COL5A1: variants seen among roughly 807,000 people sequenced by gnomAD.
The protein encoded by COL5A1 is collagen alpha-1(V) chain.
Under a neutral mutation model 263.7 loss-of-function variants are expected in COL5A1, and 16 were observed. The observed-to-expected ratio is 0.06, with a 90% CI of 0.04 to 0.09. The LOEUF is 0.09. Ranked by LOEUF, COL5A1 falls within the 10% of genes least tolerant of loss-of-function variation. COL5A1 has a pLI of 1.00. For missense variants in COL5A1, 2,036 were observed against 2,540.5 expected (o/e 0.80, Z 4.27); for synonymous variants, 1,012 against 1,004.5 (o/e 1.01, Z -0.14).
intron 9 of COL5A1, among the ~76,000 whole-genome samples, chr9:134,738,141 C>G (rs556663625): frequency 9.9e-5 from 15 of 152,248 alleles, no homozygotes; most frequent in African/African-American, 2.6e-4. Context: ...GCCTGGCACT[C>G]CCCTTTGGGG....
intron 63 of COL5A1, among the ~76,000 whole-genome samples, chr9:134,827,861 C>T (rs73664156): frequency 0.017 from 2,630 of 152,340 alleles, 51 homozygotes; most frequent in African/African-American, 0.046. Context: ...GCCTTCACGC[C>T]GCCTGGGCTT....
At chr9:134,660,326 C>G (rs1047141038) in intron 1 of COL5A1, among the ~76,000 whole-genome samples, 2 of 152,226 alleles carry the variant, frequency 1.3e-5, no homozygotes, top group Non-Finnish European at 2.9e-5. Flanking sequence ...TCAAAGTCCT[C>G]TGAAGATTCG....
At chr9:134,710,312 T>A (rs897959929) in intron 4 of COL5A1, among the ~76,000 whole-genome samples, 1 of 152,230 alleles carries the variant, frequency 6.6e-6, no homozygotes, top group African/African-American at 2.4e-5. Flanking sequence ...TCATAGTGAT[T>A]GTGCAGTATT....
Position 134,765,704 on chromosome 9 carries a change from G to A in COL5A1, c.2058G>A (p.Pro686=), listed in dbSNP as rs143443499. 5.3e-4 allele frequency: 855 copies of A among 1,613,560 alleles called. 9 individuals carry two copies. In the African/African-American group the frequency reaches 9.1e-3, roughly 17 times the overall value. ...AGGGGCCACGTGGTCTGCTTGGGCC[G>A]AAGGGGCCCCCAGGTCCTCCCGGAC... ...GEPGPRGLLG[P]KGPPGPPGPP... Residue 686 remains proline (P), a synonymous_variant, in exon 21 of 66, where the codon CCG becomes CCA. Coordinates refer to ENST00000371817, the MANE Select transcript of COL5A1 (RefSeq NM_000093.5). The surrounding 1 kb of genome is among the most constrained non-coding windows in gnomAD (Gnocchi z 5.1).
At chr9:134,756,963 G>T (rs1273844672) in intron 17 of COL5A1, 145 bp downstream of exon 17, 8 of 817,842 alleles carry the variant, frequency 9.8e-6, no homozygotes, top group Non-Finnish European at 1.7e-5. Context: ...GTGAAGATAG[G>T]GTTGGTGGGT....
rs1301097019 is a variant in COL5A1 at position 134,757,261 on chromosome 9, G to T, written c.1881+443G>T. Among the ~76,000 whole-genome samples the T allele has an allele frequency of 6.6e-6, 1 of 152,172 alleles. No individual in the cohort carries two copies. Among genetic ancestry groups the T allele is most frequent in the Non-Finnish European group, 1.5e-5 (1 of 68,032 alleles). ...GCATGAATGAGGCTGCACCAGGCAT[G>T]CACCAGCTGTTGCTGTCGCCACTCA... On this transcript the variant is annotated intron_variant, in intron 17 of 65. Coordinates refer to ENST00000371817, the MANE Select transcript of COL5A1 (RefSeq NM_000093.5). The surrounding 1 kb of genome is among the most constrained non-coding windows in gnomAD (Gnocchi z 6.2).
At chr9:134,775,173 C>T (rs1001769324) in intron 27 of COL5A1, among the ~76,000 whole-genome samples, 6 of 152,216 alleles carry the variant, frequency 3.9e-5, no homozygotes, top group African/African-American at 1.2e-4. Context: ...ACGCCAGGGG[C>T]GCGCTGGCGG....
In COL5A1 at chr9:134,754,215, C is replaced by T. The variant is rs1254832633; in HGVS notation, c.1774-58C>T. On this transcript the variant is annotated intron_variant, in intron 15 of 65. Coordinates refer to ENST00000371817, the MANE Select transcript of COL5A1 (RefSeq NM_000093.5). The surrounding 1 kb of genome is among the most constrained non-coding windows in gnomAD (Gnocchi z 4.3). ...CGATGAGCACAGGGACAAGGCTTTGCTCTTTCTCCTGAGAAAGGCGGACTC... is the reference window on the plus strand; with the variant it reads ...CGATGAGCACAGGGACAAGGCTTTGTTCTTTCTCCTGAGAAAGGCGGACTC... 3.8e-6 allele frequency: 6 copies of T among 1,564,650 alleles called. No individual in the cohort carries two copies. The African/African-American group carries it at 6.8e-5, about 18-fold the overall frequency.
intron 4 of COL5A1, among the ~76,000 whole-genome samples, chr9:134,723,790 G>A (rs1194664219): frequency 1.3e-5 from 2 of 152,318 alleles, no homozygotes; most frequent in East Asian, 3.9e-4. Context: ...CTGACCCAGA[G>A]GCAGGTATGG....
chr9:134,822,253 C>T (rs1291757291), intron 59 of COL5A1, 103 bp downstream of exon 59: 13 of 1,040,082 alleles, frequency 1.2e-5, no homozygotes, highest in African/African-American at 1.6e-5. Flanking sequence ...AAAAGTCACA[C>T]GAGAAGCTGG....
At chr9:134,753,759 T>TCCCCCAGGCCCCCCCCCGCCCCC in intron 14 of COL5A1, 91 bp from the exon 15 acceptor site, 1 of 540,648 alleles carries the variant, frequency 1.8e-6, no homozygotes, top group Non-Finnish European at 3.7e-6. Context: ...CCCTGTCCCC[T>TCCCCCAGGCCCCCCCCCGCCCCC]CCCCCTGCCC....
chr9:134,712,026 T>C (rs961779115), intron 4 of COL5A1, among the ~76,000 whole-genome samples: 2 of 67,634 alleles, frequency 3.0e-5, no homozygotes, highest in South Asian at 6.4e-4. Flanking sequence ...CCTCCTTCCT[T>C]CCCCCCTTCT....
chr9:134,708,825 GA>G (rs753693463), intron 4 of COL5A1: 20 of 456,712 alleles, frequency 4.4e-5, no homozygotes, highest in African/African-American at 3.0e-4. Flanking sequence ...TTCCAAGATC[GA>G]GGTGTGGGCG....
chr9:134,802,546 C>T, intron 38 of COL5A1, among the ~76,000 whole-genome samples: 1 of 152,234 alleles, frequency 6.6e-6, no homozygotes, highest in Middle Eastern at 3.2e-3. Flanking sequence ...GGCTCTGCCC[C>T]TGGTGTGGCT....
intron 34 of COL5A1, among the ~76,000 whole-genome samples, chr9:134,795,613 G>A (rs1206006707): frequency 1.3e-5 from 2 of 152,174 alleles, no homozygotes; most frequent in South Asian, 2.1e-4. Context: ...CAGGCCCACC[G>A]CAGACTCACC....
chr9:134,752,492 G>A lies in COL5A1; in HGVS notation c.1663-97G>A, dbSNP rs1406014048. 4.0e-5 allele frequency: 36 copies of A among 899,994 alleles called. 1 individual carries two copies. The South Asian group carries it at 4.0e-4, about 10-fold the overall frequency. 55.8% of individuals were successfully genotyped at this position (899,994 alleles called of 1,614,324 possible). On this transcript the variant is annotated intron_variant, in intron 13 of 65. Coordinates refer to ENST00000371817, the MANE Select transcript of COL5A1 (RefSeq NM_000093.5). ...CTCCTGTCCCTCCTCTGTCCAGTCT[G>A]CCCGTTCCCTCCTGCCACATCTCAC...
chr9:134,733,861 G>A (rs898736726), intron 9 of COL5A1, among the ~76,000 whole-genome samples: 5 of 152,228 alleles, frequency 3.3e-5, no homozygotes, highest in Non-Finnish European at 7.3e-5. Context: ...TTGGCCCCCA[G>A]GTAGACTTGA....
At chr9:134,685,089 A>C in intron 1 of COL5A1, among the ~76,000 whole-genome samples, 1 of 140,838 alleles carries the variant, frequency 7.1e-6, no homozygotes, top group African/African-American at 2.7e-5. Flanking sequence ...TCCACCCACC[A>C]TCCATCCATC....
intron 1 of COL5A1, among the ~76,000 whole-genome samples, chr9:134,655,324 G>A (rs1443837135): frequency 2.6e-5 from 4 of 152,064 alleles, no homozygotes; most frequent in South Asian, 2.1e-4. Context: ...CGAGGGAGGC[G>A]GAGGTGGAGC....
Sources: gnomAD v4.1 joint callset for allele counts (sites outside exome capture counted in the v4.1 genomes callset) on GRCh38, gnomAD v4.1.1 for gene constraint, Gnocchi (gnomAD v3.1) non-coding constraint, MANE v1.5 for transcripts, NCBI Gene and HGNC (gene_info 2026-07-23, HGNC 2026-07-21) for gene names.